Variants in EFCAB13 observed in about 807,000 individuals in gnomAD.
EFCAB13 encodes EF-hand calcium-binding domain-containing protein 13.
In EFCAB13, 91 loss-of-function variants were observed where a neutral mutation model predicts 110.2. The ratio of observed to expected loss-of-function variants is 0.83; its 90% CI spans 0.70 to 0.98. The LOEUF (loss-of-function observed/expected upper bound fraction) is 0.98. Ranked by LOEUF, EFCAB13 falls within the 50% of genes least tolerant of loss-of-function variation. EFCAB13 has a pLI of 0.00. For missense variants in EFCAB13, 968 were observed against 1,119.4 expected, an observed-to-expected ratio of 0.86 and a Z score of 1.93; for synonymous variants, 323 against 369.9, an observed-to-expected ratio of 0.87 and a Z score of 1.45.
intron 14 of EFCAB13, among the ~76,000 whole-genome samples, chr17:47,382,669 G>A (rs1285512940): frequency 6.6e-6 from 1 of 151,904 alleles, no homozygotes; most frequent in African/African-American, 2.4e-5. Context: ...TTTGATGTGT[G>A]GCTGGATTCA....
chr17:47,414,901 C>T lies in EFCAB13; in HGVS notation c.2476C>T (p.His826Tyr), dbSNP rs371533458. 1 of 1,604,774 alleles carries T rather than the reference C, an allele frequency of 6.2e-7. No individual in the cohort carries two copies. ...CTTAATGAAAATGAAAGAAAGTCCA[C>T]ATTTCCAAAAGTCCAAGGGTAAGTG... ...DFLMKMKESP[H>Y]FQKSKATQIL... is the part of the protein sequence containing the mutation. Residue 826 changes from histidine (H) to tyrosine (Y), a missense_variant, in exon 23 of 25, where the codon CAT becomes TAT. Coordinates refer to ENST00000331493, the MANE Select transcript of EFCAB13 (RefSeq NM_152347.5).
At chr17:47,335,449 G>A (rs1393575702) in intron 5 of EFCAB13, 93 bp downstream of exon 5, 1 of 1,022,938 alleles carries the variant, frequency 9.8e-7, no homozygotes, top group Non-Finnish European at 1.4e-6. Context: ...TTCTCATAAT[G>A]TACCATGTGT....
chr17:47,399,486 T>C (rs2065767693), intron 17 of EFCAB13, among the ~76,000 whole-genome samples: 1 of 152,060 alleles, frequency 6.6e-6, no homozygotes. Context: ...TTATACAGTA[T>C]CCTAATATAT....
chr17:47,349,791 G>A (rs1345317140), intron 9 of EFCAB13, among the ~76,000 whole-genome samples: 110 of 126,620 alleles, frequency 8.7e-4, no homozygotes, highest in Non-Finnish European at 1.4e-3. Context: ...TTTTTGAGAC[G>A]GAGTCTCGCT....
chr17:47,356,757 C>T (rs1470459455), intron 9 of EFCAB13, among the ~76,000 whole-genome samples: 2 of 152,170 alleles, frequency 1.3e-5, no homozygotes, highest in African/African-American at 4.8e-5. Context: ...TACAAGCTTG[C>T]CCTAGGGTCA....
chr17:47,349,846 C>T (rs1365081474), intron 9 of EFCAB13, among the ~76,000 whole-genome samples: 1 of 146,282 alleles, frequency 6.8e-6, no homozygotes, highest in African/African-American at 2.5e-5. Flanking sequence ...GCAATCTCGG[C>T]TCACTGCAAG....
At chr17:47,362,010 C>A (rs914562181) in intron 10 of EFCAB13, among the ~76,000 whole-genome samples, 1 of 151,982 alleles carries the variant, frequency 6.6e-6, no homozygotes, top group African/African-American at 2.4e-5. Context: ...TACTTGTAAC[C>A]AGAGGATGTC....
At chr17:47,420,053 T>C (rs957492012) in intron 23 of EFCAB13, among the ~76,000 whole-genome samples, 4 of 152,152 alleles carry the variant, frequency 2.6e-5, no homozygotes, top group Admixed American at 2.0e-4. Flanking sequence ...CCCTGCCTGA[T>C]TCTCCTGCCT....
intron 21 of EFCAB13, among the ~76,000 whole-genome samples, chr17:47,411,587 C>T (rs985941911): frequency 9.9e-5 from 15 of 152,070 alleles, no homozygotes; most frequent in African/African-American, 3.6e-4. Flanking sequence ...CTCTTTGATA[C>T]GAGGGACTGA....
chr17:47,336,292 ATTTTT>A (rs5820651), intron 5 of EFCAB13, among the ~76,000 whole-genome samples: 1 of 130,508 alleles, frequency 7.7e-6, no homozygotes. Flanking sequence ...ACACTCGGCT[ATTTTT>A]TTTTTTTTTT....
intron 23 of EFCAB13, among the ~76,000 whole-genome samples, chr17:47,421,641 G>GAAAAAAAAAAAAAAAAAGAAAAAAAGAA (rs375256582): frequency 7.7e-6 from 1 of 129,394 alleles, no homozygotes; most frequent in Non-Finnish European, 1.6e-5. Flanking sequence ...AAGAAAGAAA[G>GAAAAAAAAAAAAAAAAAGAAAAAAAGAA]AAAAAAAAAA....
rs372026703 is a variant in EFCAB13 at position 47,402,153 on chromosome 17, A to C, written c.1967A>C (p.Glu656Ala). 11 of 1,613,964 alleles carry C rather than the reference A, an allele frequency of 6.8e-6. No individual in the cohort carries two copies. Among genetic ancestry groups the C allele is most frequent in the Middle Eastern group, 3.3e-4 (2 of 6,058 alleles). The change falls in exon 18 of 25, where the codon GAA becomes GCA. Residue 656 changes from glutamate (E) to alanine (A), a missense_variant. Glu to Ala is a moderately radical substitution (Grantham distance 107). Transcript: ENST00000331493. ...ACAGAAGGTGACAAAGTACAATTTG[A>C]AGAATTTGCAAAAGTAGTAAGGAAT... ...TVDEGDKVQF[E>A]EFAKVVRNMR...
At chr17:47,426,484 C>T (rs765113675) in intron 23 of EFCAB13, among the ~76,000 whole-genome samples, 8 of 152,276 alleles carry the variant, frequency 5.3e-5, no homozygotes, top group Middle Eastern at 3.4e-3. Context: ...AAGTCGGTTA[C>T]TTCAAAAAGA....
In EFCAB13 at chr17:47,440,595, G is replaced by A; in HGVS notation, c.2803G>A (p.Ala935Thr). The change falls in exon 25 of 25, where the codon GCA becomes ACA. Residue 935 changes from alanine to threonine, a missense_variant. Transcript: ENST00000331493. Reference sequence around the variant, plus strand: ...AACAATACAGGATTCGATAGTTAAAGCACAGGTAAGTAAGAAGCAATACAA... The same window carrying A: ...AACAATACAGGATTCGATAGTTAAAACACAGGTAAGTAAGAAGCAATACAA... ...LKTIQDSIVK[A>T]QVSKKQYNMN... 1 of 1,613,030 alleles carries A rather than the reference G, an allele frequency of 6.2e-7. No homozygotes were observed.
intron 24 of EFCAB13, among the ~76,000 whole-genome samples, chr17:47,433,210 A>G (rs868809934): frequency 1.3e-5 from 2 of 152,200 alleles, no homozygotes; most frequent in South Asian, 4.1e-4. Context: ...TCTCATGATT[A>G]GCCTGGGGTT....
At chr17:47,423,921 C>T (rs1422573203) in intron 23 of EFCAB13, among the ~76,000 whole-genome samples, 1 of 151,906 alleles carries the variant, frequency 6.6e-6, no homozygotes, top group Non-Finnish European at 1.5e-5. Flanking sequence ...CTGGGCGGCC[C>T]GGCCAGCTCC....
chr17:47,373,272 T>G (rs551855056), intron 11 of EFCAB13, among the ~76,000 whole-genome samples: 1 of 152,176 alleles, frequency 6.6e-6, no homozygotes, highest in Admixed American at 6.5e-5. Flanking sequence ...TTTATTTATT[T>G]TCTTTTGTGT....
At position 47,335,182 on chromosome 17, in the gene EFCAB13, CTT is replaced by C; in HGVS notation, c.31-13_31-12del. Reference sequence around the variant, plus strand: ...AAAGAGGACATGCTTGATTGTGGCTCTTATATTCCCCAGGCAGAGGAAAATAT... The same window carrying C: ...AAAGAGGACATGCTTGATTGTGGCTCATATTCCCCAGGCAGAGGAAAATAT... On this transcript the variant is annotated splice_polypyrimidine_tract_variant and intron_variant, in intron 4 of 24. Coordinates refer to ENST00000331493, the MANE Select transcript of EFCAB13 (RefSeq NM_152347.5). 1 of 1,579,782 alleles carries C rather than the reference CTT, an allele frequency of 6.3e-7. No individual in the cohort carries two copies. The highest frequency in any genetic ancestry group is 8.6e-7 in the Non-Finnish European group (1 of 1,167,868).
chr17:47,331,944 T>A (rs1001172638), intron 4 of EFCAB13, among the ~76,000 whole-genome samples: 2 of 152,294 alleles, frequency 1.3e-5, no homozygotes, highest in African/African-American at 4.8e-5. Flanking sequence ...TTCTCTACAT[T>A]TAGCACAGTT....
Sources: allele counts gnomAD v4.1 joint callset (sites outside exome capture counted in the v4.1 genomes callset), GRCh38; gene constraint gnomAD v4.1.1; transcripts MANE v1.5; gene names NCBI Gene and HGNC (gene_info 2026-07-23, HGNC 2026-07-21).